RANBP3L: variants seen among roughly 807,000 people sequenced by gnomAD.
RANBP3L encodes ran-binding protein 3-like.
In RANBP3L, 56 loss-of-function variants were observed where a neutral mutation model predicts 67.2. The observed-to-expected ratio is 0.83, with a 90% CI of 0.67 to 1.04. RANBP3L has a LOEUF of 1.04. Ranked by LOEUF, RANBP3L falls within the 50% of genes least tolerant of loss-of-function variation. The pLI is 0.00. For missense variants in RANBP3L, 496 were observed against 535.5 expected, an observed-to-expected ratio of 0.93 and a Z score of 0.73; for synonymous variants, 164 against 181.4, an observed-to-expected ratio of 0.90 and a Z score of 0.77.
At chr5:36,274,745 C>A (rs1372779848) in intron 1 of RANBP3L, among the ~76,000 whole-genome samples, 1 of 151,912 alleles carries the variant, frequency 6.6e-6, no homozygotes, top group African/African-American at 2.4e-5. Context: ...TAAAGATCAC[C>A]CCTCCCGCGG....
chr5:36,261,736 A>G (rs1749404176), intron 7 of RANBP3L, among the ~76,000 whole-genome samples: 1 of 151,326 alleles, frequency 6.6e-6, no homozygotes, highest in Admixed American at 6.6e-5. Context: ...AATGAAGACA[A>G]TCCAGTATTA....
rs963589163 is a variant in RANBP3L at position 36,247,315 on chromosome 5, G to T, written c.*2339C>A. Among the ~76,000 whole-genome samples, 5 of 152,174 alleles carry T rather than the reference G, an allele frequency of 3.3e-5. No homozygotes were observed. Among genetic ancestry groups the T allele is most frequent in the African/African-American group, 1.2e-4 (5 of 41,440 alleles). The stretch of plus-strand genomic sequence containing the variant: ...AGAAAATGGGTTGAAAGAGTTGTGA[G>T]CTAAATATCATGTTTCTGTTCTTCT... On this transcript the variant is annotated 3_prime_UTR_variant, in exon 14 of 14. Transcript: ENST00000296604.
chr5:36,289,346 G>C (rs1751546324), intron 1 of RANBP3L, among the ~76,000 whole-genome samples: 1 of 152,028 alleles, frequency 6.6e-6, no homozygotes, highest in Admixed American at 6.6e-5. Context: ...TGTCAACTTT[G>C]TACTCTTTTT....
rs759896295 is a variant in RANBP3L at position 36,264,958 on chromosome 5, C to T, written c.480+1G>A. On this transcript the variant is annotated splice_donor_variant, in intron 6 of 13. Coordinates refer to ENST00000296604, the MANE Select transcript of RANBP3L (RefSeq NM_145000.5). LOFTEE classifies it high-confidence loss of function. The stretch of plus-strand genomic sequence containing the variant: ...AGTTCCGTTATCCTGGGCTTTCTCA[C>T]CTTATTATTTGTTTTTTCTTTAGTC... 3.7e-6 allele frequency: 6 copies of T among 1,611,540 alleles called. No individual in the cohort carries two copies. The highest frequency in any genetic ancestry group is 4.5e-5 in the East Asian group (2 of 44,832).
In RANBP3L at chr5:36,270,003, A is replaced by G; in HGVS notation, c.151-13T>C. ...CTTCTGCAGGTCTCTGAAAGGAAAC[A>G]AAACCACTGAGGAGAGCTGAGTATT... On this transcript the variant is annotated splice_polypyrimidine_tract_variant and intron_variant, in intron 2 of 13. Transcript: ENST00000296604. The G allele has an allele frequency of 6.2e-7, 1 of 1,611,000 alleles. No homozygotes were observed. The highest frequency in any genetic ancestry group is 2.2e-5 in the East Asian group (1 of 44,842).
rs1188938225 is a variant in RANBP3L at position 36,248,501 on chromosome 5, T to G, written c.*1153A>C. On this transcript the variant is annotated 3_prime_UTR_variant, in exon 14 of 14. Transcript: ENST00000296604. ...AGGTATGGTAACACAGTAATATAAC[T>G]TTTGAAAATGTGTGTTTGCATATCC... is the stretch of plus-strand genomic sequence containing the variant. 1 of 152,220 alleles carries G rather than the reference T, an allele frequency of 6.6e-6. No individual in the cohort carries two copies. The highest frequency in any genetic ancestry group is 1.5e-5 in the Non-Finnish European group (1 of 68,020). The allele number at this position is 152,220 out of a possible 1,614,324, so 9.4% of individuals were successfully genotyped here.
At chr5:36,279,758 C>T (rs2111997108) in intron 1 of RANBP3L, among the ~76,000 whole-genome samples, 1 of 152,234 alleles carries the variant, frequency 6.6e-6, no homozygotes, top group South Asian at 2.1e-4. Flanking sequence ...TTCTTAACTG[C>T]TTTAAAGTTT....
chr5:36,264,858 A>G, intron 6 of RANBP3L, 101 bp downstream of exon 6: 1 of 1,025,756 alleles, frequency 9.7e-7, no homozygotes, highest in Non-Finnish European at 1.5e-6. Flanking sequence ...CAACAAAACA[A>G]AGCTCAGACA....
intron 11 of RANBP3L, among the ~76,000 whole-genome samples, chr5:36,255,132 G>A (rs1748877948): frequency 6.6e-6 from 1 of 152,048 alleles, no homozygotes; most frequent in Non-Finnish European, 1.5e-5. Context: ...TGATATAAGT[G>A]CTTTACATGC....
At chr5:36,291,579 G>C (rs1403411073) in intron 1 of RANBP3L, among the ~76,000 whole-genome samples, 1 of 151,752 alleles carries the variant, frequency 6.6e-6, no homozygotes, top group Non-Finnish European at 1.5e-5. Flanking sequence ...TCCCCAGAGT[G>C]TGATGTTCCC....
intron 13 of RANBP3L, 87 bp downstream of exon 13, chr5:36,251,226 C>A: frequency 8.8e-7 from 1 of 1,130,526 alleles, no homozygotes. Flanking sequence ...AGCAGTTCCA[C>A]TTGTTAAAAA....
intron 4 of RANBP3L, among the ~76,000 whole-genome samples, chr5:36,267,324 T>A (rs1487027947): frequency 6.6e-6 from 1 of 152,080 alleles, no homozygotes; most frequent in Non-Finnish European, 1.5e-5. Flanking sequence ...CTGGCCGAAA[T>A]GGTGAAACCC....
chr5:36,255,516 C>G lies in RANBP3L; in HGVS notation c.978G>C (p.Leu326=). The part of the protein sequence containing the change: ...WIERGRGTLR[L]NDTASTDCGT... The stretch of plus-strand genomic sequence containing the variant: ...CACAGTCAGTGCTTGCTGTGTCATT[C>G]AGTCTCAACGTTCCTCTGCCCCTTT... The change falls in exon 11 of 14, where the codon CTG becomes CTC. Residue 326 remains leucine, a synonymous_variant. Transcript: ENST00000296604. 1 of 1,612,086 alleles carries G rather than the reference C, an allele frequency of 6.2e-7. No individual in the cohort carries two copies. The highest frequency in any genetic ancestry group is 8.5e-7 in the Non-Finnish European group (1 of 1,178,442).
intron 1 of RANBP3L, among the ~76,000 whole-genome samples, chr5:36,299,335 ATGTG>A (rs368964724): frequency 3.9e-4 from 56 of 145,356 alleles, no homozygotes; most frequent in East Asian, 2.8e-3. Flanking sequence ...ACATACATAT[ATGTG>A]TGTGTGTGTG....
chr5:36,265,131 G>T (rs759145429), intron 5 of RANBP3L, 33 bp from the exon 6 acceptor site: 9 of 1,362,960 alleles, frequency 6.6e-6, no homozygotes, highest in Non-Finnish European at 9.1e-6. Context: ...ATAAATATAT[G>T]TTTACTGAAA....
chr5:36,265,576 C>G, intron 4 of RANBP3L, 56 bp from the exon 5 acceptor site: 1 of 1,021,730 alleles, frequency 9.8e-7, no homozygotes, highest in Non-Finnish European at 1.5e-6. Context: ...AGATTCTACA[C>G]TATTTGGGGC....
At chr5:36,259,079 G>T (rs1182281169) in intron 8 of RANBP3L, among the ~76,000 whole-genome samples, 1 of 152,152 alleles carries the variant, frequency 6.6e-6, no homozygotes, top group African/African-American at 2.4e-5. Context: ...TGGCTAATCT[G>T]GTGTCAAACT....
rs1020998819 is a variant in RANBP3L, at chr5:36,258,287, CAG to C, written c.670-733_670-732del. ...ATAATGTGTAGCCCTCTGCAAAACA[CAG>C]AGAACTGGAACAATGATACTTAAGA... is the stretch of plus-strand genomic sequence containing the variant. On this transcript the variant is annotated intron_variant, in intron 8 of 13. Transcript: ENST00000296604. Among the ~76,000 whole-genome samples the C allele has an allele frequency of 7.9e-5, 12 of 152,136 alleles. 1 individual carries two copies. Among genetic ancestry groups the C allele is most frequent in the Admixed American group, 3.9e-4 (6 of 15,278 alleles).
chr5:36,254,818 T>C (rs976329698), intron 11 of RANBP3L, among the ~76,000 whole-genome samples: 6 of 152,096 alleles, frequency 3.9e-5, no homozygotes, highest in African/African-American at 1.2e-4. Context: ...CTCTTTCAGT[T>C]TGGACCTCTG....
Sources: allele counts gnomAD v4.1 joint callset (sites outside exome capture counted in the v4.1 genomes callset), GRCh38; gene constraint gnomAD v4.1.1; transcripts MANE v1.5; gene names NCBI Gene and HGNC (gene_info 2026-07-23, HGNC 2026-07-21).